HAO1: variants seen among roughly 807,000 people sequenced by gnomAD.
HAO1 encodes the protein hydroxyacid oxidase 1, also known as 2-Hydroxyacid oxidase 1.
Under a neutral mutation model 39.7 loss-of-function variants are expected in HAO1, and 34 were observed. The observed-to-expected ratio is 0.86, with a 90% CI of 0.65 to 1.14. HAO1 has a LOEUF of 1.14. HAO1 is among the 50% of genes most tolerant of loss of function. The probability of loss-of-function intolerance (pLI) is 0.00; values close to 1 mark genes in which losing one functional copy is unlikely to be tolerated. For synonymous variants in HAO1, 172 were observed against 173.2 expected (o/e 0.99, Z 0.05); for missense variants, 479 against 464.5 (o/e 1.03, Z -0.29).
intron 5 of HAO1, among the ~76,000 whole-genome samples, chr20:7,889,933 C>T (rs1344639422): frequency 2.0e-5 from 3 of 152,126 alleles, no homozygotes; most frequent in African/African-American, 7.2e-5. Flanking sequence ...ATGCTGCCTC[C>T]ATGGCTCTGA....
chr20:7,905,525 A>G (rs1022852745), intron 4 of HAO1, among the ~76,000 whole-genome samples: 10 of 152,346 alleles, frequency 6.6e-5, no homozygotes, highest in South Asian at 2.1e-4. Context: ...TTGTGGGTAA[A>G]CACATTTACA....
chr20:7,883,771 C>A, intron 7 of HAO1, 108 bp from the exon 8 acceptor site: 2 of 957,360 alleles, frequency 2.1e-6, no homozygotes, highest in South Asian at 1.3e-5. Flanking sequence ...GTTTATGATT[C>A]AAGGTAGGCT....
chr20:7,924,026 C>G (rs960939759), intron 2 of HAO1, among the ~76,000 whole-genome samples: 3 of 152,144 alleles, frequency 2.0e-5, no homozygotes, highest in African/African-American at 7.2e-5. Context: ...ATCTGCCTTT[C>G]TTCTAGCCTG....
rs1458871647 is a variant in HAO1 at position 7,897,276 on chromosome 20, C to T, written c.722-2052G>A. Among the ~76,000 whole-genome samples the T allele has an allele frequency of 3.9e-5, 6 of 152,200 alleles. No homozygotes were observed. The Middle Eastern group carries it at 0.01, about 259-fold the overall frequency. ...TACTTTTCTGAAATTTCATAAGGAA[C>T]GTGATAAGTTGTGATTTGTTTTCTC... On this transcript the variant is annotated intron_variant, in intron 4 of 7. Coordinates refer to ENST00000378789, the MANE Select transcript of HAO1 (RefSeq NM_017545.3).
At chr20:7,904,648 A>T (rs557613974) in intron 4 of HAO1, among the ~76,000 whole-genome samples, 18 of 152,336 alleles carry the variant, frequency 1.2e-4, no homozygotes, top group African/African-American at 4.1e-4. Flanking sequence ...TATTGCACCC[A>T]AAATGCTTGT....
chr20:7,934,435 G>C (rs773902622), intron 2 of HAO1, 49 bp downstream of exon 2: 3 of 1,463,400 alleles, frequency 2.1e-6, no homozygotes, highest in Non-Finnish European at 2.8e-6. Flanking sequence ...GAAGGAGGTC[G>C]ATAAACGTTA....
At chr20:7,911,923 C>T (rs939478282) in intron 3 of HAO1, among the ~76,000 whole-genome samples, 5 of 152,334 alleles carry the variant, frequency 3.3e-5, no homozygotes, top group Admixed American at 2.6e-4. Flanking sequence ...CTGGACCTCC[C>T]GTTAGCATGC....
chr20:7,886,513 A>G (rs2050151925), intron 5 of HAO1, among the ~76,000 whole-genome samples: 1 of 152,178 alleles, frequency 6.6e-6, no homozygotes, highest in African/African-American at 2.4e-5. Flanking sequence ...TACTCATTGC[A>G]AGTCAATTGT....
intron 3 of HAO1, among the ~76,000 whole-genome samples, chr20:7,908,043 C>A (rs536530761): frequency 6.6e-6 from 1 of 152,248 alleles, no homozygotes; most frequent in African/African-American, 2.4e-5. Flanking sequence ...TCTCTTTCTT[C>A]CCCTCCACCA....
At chr20:7,909,433 A>T (rs1471252098) in intron 3 of HAO1, among the ~76,000 whole-genome samples, 1 of 144,732 alleles carries the variant, frequency 6.9e-6, no homozygotes, top group Non-Finnish European at 1.5e-5. Flanking sequence ...TAACCAAAGT[A>T]TTCCATTTCA....
At chr20:7,892,649 A>G (rs990599866) in intron 5 of HAO1, among the ~76,000 whole-genome samples, 17 of 152,126 alleles carry the variant, frequency 1.1e-4, no homozygotes, top group African/African-American at 2.2e-4. Context: ...CATCTATATA[A>G]TAACTACCAC....
chr20:7,887,031 A>T (rs1342539817), intron 5 of HAO1, among the ~76,000 whole-genome samples: 1 of 152,184 alleles, frequency 6.6e-6, no homozygotes, highest in African/African-American at 2.4e-5. Context: ...CCAAGCCTAG[A>T]TCAGTAGACA....
At chr20:7,919,957 A>G (rs62200774) in intron 2 of HAO1, among the ~76,000 whole-genome samples, 12,623 of 152,194 alleles carry the variant, frequency 0.083, 874 homozygotes, top group East Asian at 0.31. Context: ...GTTTTGATCT[A>G]TGTATACATT....
intron 1 of HAO1, among the ~76,000 whole-genome samples, chr20:7,939,459 A>G (rs554769525): frequency 1.2e-4 from 19 of 152,082 alleles, no homozygotes; most frequent in Non-Finnish European, 2.4e-4. Flanking sequence ...CCCCCTGCAT[A>G]TTTTCTGCCT....
At chr20:7,886,385 A>T in intron 5 of HAO1, among the ~76,000 whole-genome samples, 1 of 151,834 alleles carries the variant, frequency 6.6e-6, no homozygotes, top group East Asian at 1.9e-4. Flanking sequence ...TGTTGGCCAG[A>T]CTGGTCTCGA....
intron 7 of HAO1, among the ~76,000 whole-genome samples, chr20:7,885,083 C>A (rs552412324): frequency 9.2e-5 from 14 of 152,218 alleles, no homozygotes; most frequent in African/African-American, 3.4e-4. Flanking sequence ...TTGTACTGAG[C>A]AACTGAAACT....
chr20:7,895,322 C>T lies in HAO1; in HGVS notation c.722-98G>A, dbSNP rs78959829. ...TTCCAGTCAAATGGAGGCTGACTCC[C>T]ATCTGCATACCTGGGTCAATAATCT... On this transcript the variant is annotated intron_variant, in intron 4 of 7. Coordinates refer to ENST00000378789, the MANE Select transcript of HAO1 (RefSeq NM_017545.3). 1.0e-2 allele frequency: 7,485 copies of T among 749,480 alleles called. 390 individuals are homozygous for T. In the African/African-American group the frequency reaches 0.11, roughly 11 times the overall value. The allele number at this position is 749,480 out of a possible 1,614,324, so 46.4% of individuals were successfully genotyped here. A position where few individuals can be genotyped will look rare whatever the true frequency, so the allele number is the denominator to read the frequency against.
At chr20:7,916,511 T>A (rs1378796078) in intron 2 of HAO1, among the ~76,000 whole-genome samples, 1 of 152,148 alleles carries the variant, frequency 6.6e-6, no homozygotes, top group African/African-American at 2.4e-5. Flanking sequence ...GGAGGGCATG[T>A]GAATGAAACA....
At chr20:7,909,389 A>ATATATG (rs1568514590) in intron 3 of HAO1, among the ~76,000 whole-genome samples, 98 of 140,980 alleles carry the variant, frequency 7.0e-4, no homozygotes, top group African/African-American at 2.5e-3. Context: ...GTATATATAT[A>ATATATG]TATATATATA....
Sources: gnomAD v4.1 joint callset for allele counts (sites outside exome capture counted in the v4.1 genomes callset) on GRCh38, gnomAD v4.1.1 for gene constraint, MANE v1.5 for transcripts, NCBI Gene and HGNC (gene_info 2026-07-23, HGNC 2026-07-21) for gene names.